Variants in RIF1 observed in about 807,000 individuals in gnomAD.
RIF1 encodes the protein replication timing regulatory factor 1.
In RIF1, 45 loss-of-function variants were observed where a neutral mutation model predicts 247.1. The observed-to-expected ratio is 0.18, with a 90% CI of 0.14 to 0.23. The LOEUF is 0.23. RIF1 is among the 10% of genes least tolerant of loss of function. The pLI, the probability that RIF1 is intolerant of heterozygous loss-of-function variation, is 1.00. For missense variants in RIF1, 2,967 were observed against 2,862.5 expected, an observed-to-expected ratio of 1.04 and a Z score of -0.83; for synonymous variants, 1,087 against 978.8, an observed-to-expected ratio of 1.11 and a Z score of -2.06.
At chr2:151,430,207 G>C (rs569369712) in intron 9 of RIF1, among the ~76,000 whole-genome samples, 3 of 152,078 alleles carry the variant, frequency 2.0e-5, no homozygotes, top group African/African-American at 7.2e-5. Context: ...ATTTTTAGTA[G>C]AGACGGGGTT....
intron 3 of RIF1, among the ~76,000 whole-genome samples, chr2:151,412,850 CAG>C (rs1312847446): frequency 6.6e-6 from 1 of 152,040 alleles, no homozygotes; most frequent in African/African-American, 2.4e-5. Flanking sequence ...GAAGTATTAA[CAG>C]AGATACTGCC....
the RIF1 span, chr2:151,515,034 T>G: frequency 1.5e-6 from 1 of 680,462 alleles, no homozygotes; most frequent in Non-Finnish European, 2.5e-6. Flanking sequence ...GTATGGGCTC[T>G]TAATCATAGT....
chr2:151,513,799 CAGAT>C, the RIF1 span: 1 of 781,508 alleles, frequency 1.3e-6, no homozygotes, highest in Non-Finnish European at 2.1e-6. Context: ...CCAGTTGTCA[CAGAT>C]AGTGTCGCTT....
At chr2:151,482,349 A>G (rs1465474288), downstream of RIF1, among the ~76,000 whole-genome samples, 1 of 151,900 alleles carries the variant, frequency 6.6e-6, no homozygotes, top group Non-Finnish European at 1.5e-5. Context: ...TTAACCACAG[A>G]GGTTTTCTGA....
intron 10 of RIF1, among the ~76,000 whole-genome samples, chr2:151,498,978 T>G (rs1294166129): frequency 6.6e-6 from 1 of 152,206 alleles, no homozygotes; most frequent in Non-Finnish European, 1.5e-5. Context: ...AGTCGGATCT[T>G]TGCAAAATAC....
intron 9 of RIF1, among the ~76,000 whole-genome samples, chr2:151,488,817 CCTTT>C (rs2053529231): frequency 6.6e-6 from 1 of 152,054 alleles, no homozygotes; most frequent in Non-Finnish European, 1.5e-5. Context: ...ATAACTTACC[CCTTT>C]CTTGCTGATT....
At position 151,506,914 on chromosome 2, in the gene RIF1, T is replaced by A. The variant is rs371991383; in HGVS notation, c.*1027+539T>A. 2.5e-6 allele frequency: 4 copies of A among 1,592,202 alleles called. No homozygotes were observed. The highest frequency in any genetic ancestry group is 3.4e-6 in the Non-Finnish European group (4 of 1,161,658). On this transcript the variant is annotated intron_variant and NMD_transcript_variant, in intron 13 of 13. Transcript: ENST00000454583. Reference sequence around the variant, plus strand: ...AAAATAAATAGTAAATATACCGAGCTGAAATTCTTCTGATTTTCTTTTACA... The same window carrying A: ...AAAATAAATAGTAAATATACCGAGCAGAAATTCTTCTGATTTTCTTTTACA...
Position 151,454,997 on chromosome 2 carries a change from C to A in RIF1, c.2447C>A (p.Thr816Lys), listed in dbSNP as rs1165137941. 1 of 1,613,628 alleles carries A rather than the reference C, an allele frequency of 6.2e-7. No homozygotes were observed. The highest frequency in any genetic ancestry group is 8.5e-7 in the Non-Finnish European group (1 of 1,179,752). The change falls in exon 22 of 36, where the codon ACA becomes AAA. Residue 816 changes from threonine to lysine, a missense_variant. By Grantham distance (78) the Thr-to-Lys change is moderately conservative. Coordinates refer to ENST00000444746, the MANE Select transcript of RIF1 (RefSeq NM_018151.5). ...LIVKVIYSFH[T>K]LSFKEAHSDT... ...GTGAAAGTGATCTATTCTTTCCACACACTGAGCTTCAAGGAAGCACATTCT... is the reference window on the plus strand; with the variant it reads ...GTGAAAGTGATCTATTCTTTCCACAAACTGAGCTTCAAGGAAGCACATTCT...
Position 151,478,996 on chromosome 2 carries a change from A to C in RIF1, c.*3925A>C, listed in dbSNP as rs2049058924. 1 of 152,198 alleles carries C rather than the reference A, an allele frequency of 6.6e-6. No individual in the cohort carries two copies. Among genetic ancestry groups the C allele is most frequent in the Admixed American group, 6.6e-5 (1 of 15,266 alleles). 9.4% of individuals were successfully genotyped at this position (152,198 alleles called of 1,614,324 possible). ...ACATTAGAGTGAGGTTTTGATTTTT[A>C]ACATAGTACTCTCAAACTTTGATGT... is the stretch of plus-strand genomic sequence containing the variant. On this transcript the variant is annotated 3_prime_UTR_variant, in exon 36 of 36. Coordinates refer to ENST00000444746, the MANE Select transcript of RIF1 (RefSeq NM_018151.5).
intron 22 of RIF1, among the ~76,000 whole-genome samples, chr2:151,455,524 G>C (rs571499792): frequency 2.0e-5 from 3 of 152,154 alleles, no homozygotes; most frequent in Admixed American, 6.5e-5. Flanking sequence ...TGTATCCATG[G>C]GTTCTGCATT....
intron 9 of RIF1, among the ~76,000 whole-genome samples, chr2:151,488,053 G>A (rs1271935706): frequency 1.3e-5 from 2 of 151,902 alleles, no homozygotes; most frequent in African/African-American, 4.8e-5. Flanking sequence ...CTGGTTACTA[G>A]TCATGGTGAA....
chr2:151,419,785 A>G (rs1687865847), intron 6 of RIF1, among the ~76,000 whole-genome samples: 1 of 152,218 alleles, frequency 6.6e-6, no homozygotes, highest in South Asian at 2.1e-4. Flanking sequence ...TGATGTCACT[A>G]GGTGATAGGA....
rs1190638855 is a variant in RIF1, at chr2:151,457,779, G to A, written c.2671G>A (p.Glu891Lys). 4 of 1,613,592 alleles carry A rather than the reference G, an allele frequency of 2.5e-6. No individual in the cohort carries two copies. Among genetic ancestry groups the A allele is most frequent in the Non-Finnish European group, 2.5e-6 (3 of 1,179,838 alleles). Residue 891 changes from glutamate (E) to lysine (K), a missense_variant, in exon 24 of 36, where the codon GAA (glutamate) becomes AAA (lysine). By Grantham distance (56) the Glu-to-Lys change is moderately conservative. Transcript: ENST00000444746. ...TTCCTAGTTAGAAAAGCTACTGGGA[G>A]AAATTATTGCTTGTCTGCAATTCAG... ...LNNKLEKLLG[E>K]IIACLQFSYT...
In RIF1 at chr2:151,468,466, C is replaced by T; in HGVS notation, c.6748-8C>T. The T allele has an allele frequency of 1.9e-6, 3 of 1,606,130 alleles. No homozygotes were observed. The highest frequency in any genetic ancestry group is 2.6e-6 in the Non-Finnish European group (3 of 1,172,912). On this transcript the variant is annotated splice_region_variant and splice_polypyrimidine_tract_variant and intron_variant, in intron 31 of 35. Coordinates refer to ENST00000444746, the MANE Select transcript of RIF1 (RefSeq NM_018151.5). ...TGAGTGTTTTTTTCTCTCCTTTCTT[C>T]TATCTAGCATAATACCACTTCAGCC...
Position 151,474,868 on chromosome 2 carries a change from C to A in RIF1, c.7216C>A (p.Pro2406Thr), listed in dbSNP as rs1339641806. 4 of 1,526,134 alleles carry A rather than the reference C, an allele frequency of 2.6e-6. No individual in the cohort carries two copies. The highest frequency in any genetic ancestry group is 1.1e-5 in the South Asian group (1 of 88,316). 94.5% of individuals were successfully genotyped at this position (1,526,134 alleles called of 1,614,324 possible). Residue 2406 changes from proline (P) to threonine (T), a missense_variant, in exon 36 of 36, where the codon CCT (proline) becomes ACT (threonine). By Grantham distance (38) the Pro-to-Thr change is conservative. Coordinates refer to ENST00000444746, the MANE Select transcript of RIF1 (RefSeq NM_018151.5). The stretch of plus-strand genomic sequence containing the variant: ...TTTTTCTCTTTTAGATATAATTGAT[C>A]CTGTTGCTTTAGAAATTCCATTATC... The part of the protein sequence containing the change: ...EERLVSDIID[P>T]VALEIPLSKN...
chr2:151,513,675 G>C, the RIF1 span: 1 of 1,603,600 alleles, frequency 6.2e-7, no homozygotes, highest in South Asian at 1.1e-5. Context: ...TCCAGTTCCA[G>C]GTCTCGCTTA....
At chr2:151,431,531 C>T (rs963767841) in intron 9 of RIF1, among the ~76,000 whole-genome samples, 12 of 152,144 alleles carry the variant, frequency 7.9e-5, no homozygotes, top group Admixed American at 5.2e-4. Context: ...TGGTGGCTCA[C>T]GCCTGTAATC....
At chr2:151,439,104 A>T (rs1186498385) in intron 14 of RIF1, among the ~76,000 whole-genome samples, 1 of 152,198 alleles carries the variant, frequency 6.6e-6, no homozygotes, top group Non-Finnish European at 1.5e-5. Flanking sequence ...TAAATTAGAG[A>T]AAAGAATGTT....
the RIF1 span, chr2:151,524,164 A>C: frequency 3.1e-6 from 2 of 649,786 alleles, no homozygotes; most frequent in Non-Finnish European, 5.3e-6. Context: ...AAAGGCCCTC[A>C]GTGCACTTTT....
Sources: gnomAD v4.1 joint callset for allele counts (sites outside exome capture counted in the v4.1 genomes callset) on GRCh38, gnomAD v4.1.1 for gene constraint, MANE v1.5 for transcripts, NCBI Gene and HGNC (gene_info 2026-07-23, HGNC 2026-07-21) for gene names.